Variants in MX2 observed in about 807,000 individuals in gnomAD.
MX2 encodes interferon-induced GTP-binding protein Mx2.
MX2 carries 51 observed loss-of-function variants against 74.0 expected under a neutral mutation model. That is an observed-to-expected ratio of 0.69 (90% CI 0.55 to 0.87). The LOEUF (loss-of-function observed/expected upper bound fraction) is 0.87, where lower values mean the gene tolerates loss of function less well. Among genes scored for constraint, MX2 ranks in the 40% least tolerant of loss-of-function variants. The probability of loss-of-function intolerance (pLI) is 0.00; values close to 1 mark genes in which losing one functional copy is unlikely to be tolerated. For missense variants in MX2, 832 were observed against 908.7 expected (o/e 0.92, Z 1.09); for synonymous variants, 369 against 339.3 (o/e 1.09, Z -0.96).
intron 5 of MX2, among the ~76,000 whole-genome samples, chr21:41,385,588 C>A (rs1288132772): frequency 6.6e-6 from 1 of 152,144 alleles, no homozygotes; most frequent in Non-Finnish European, 1.5e-5. Flanking sequence ...TTTTTCTGTA[C>A]AAATTTCGCT....
chr21:41,372,713 G>C (rs900847313), intron 1 of MX2, among the ~76,000 whole-genome samples: 2 of 152,112 alleles, frequency 1.3e-5, no homozygotes, highest in Non-Finnish European at 2.9e-5. Context: ...CTGTGCTTCC[G>C]TAGCATCCCC....
At position 41,368,127 on chromosome 21, in the gene MX2, G is replaced by A. The variant is rs1389913344; in HGVS notation, c.-72+6072G>A. 6.6e-6 allele frequency among the ~76,000 whole-genome samples: 1 copy of A among 152,206 alleles called. No individual in the cohort carries two copies. The highest frequency in any genetic ancestry group is 2.4e-5 in the African/African-American group (1 of 41,446). On this transcript the variant is annotated intron_variant, in intron 1 of 13. Transcript: ENST00000330714. This position sits in a 1 kb window ranked among gnomAD's most constrained non-coding sequence, Gnocchi z 4.6. ...ACCAAGCCCTGGAGAGGAACCCACAGTGCAGCGGCTCCTGAAAGCAGAGGC... is the reference window on the plus strand; with the variant it reads ...ACCAAGCCCTGGAGAGGAACCCACAATGCAGCGGCTCCTGAAAGCAGAGGC...
chr21:41,390,703 G>A lies in MX2; in HGVS notation c.871G>A (p.Gly291Ser), dbSNP rs1305468953. 9.3e-6 allele frequency: 15 copies of A among 1,613,760 alleles called. No homozygotes were observed. The highest frequency in any genetic ancestry group is 1.7e-5 in the Admixed American group (1 of 59,986). ...GGACCCGGAAGGGGACAGGACCATC[G>A]GTAAGAGGAAAGAACCAAGTGGCCG... ...EVDPEGDRTI[G>S]ILTKPDLMDR... Residue 291 changes from glycine to serine, a missense_variant and splice_region_variant, in exon 6 of 14, where the codon GGT becomes AGT. Physicochemically the swap from Gly to Ser is moderately conservative, Grantham distance 56 (BLOSUM62 0). Transcript: ENST00000330714.
chr21:41,389,209 A>C (rs946912966), intron 5 of MX2, among the ~76,000 whole-genome samples: 2 of 152,086 alleles, frequency 1.3e-5, no homozygotes, highest in Non-Finnish European at 2.9e-5. Flanking sequence ...AAAAAAAAAA[A>C]ACTTGTTCAG....
rs763863378 is a variant in MX2, at chr21:41,380,036, G to A, written c.462G>A (p.Pro154=). Reference sequence around the variant, plus strand: ...GCTCAGGAATCGTAACCAGGTGTCCGCTGGTGCTGAAACTGAAAAAGCAGC... The same window carrying A: ...GCTCAGGAATCGTAACCAGGTGTCCACTGGTGCTGAAACTGAAAAAGCAGC... ...PRGSGIVTRC[P]LVLKLKKQPC... Residue 154 remains proline, a synonymous_variant, in exon 4 of 14, where the codon CCG becomes CCA. Coordinates refer to ENST00000330714, the MANE Select transcript of MX2 (RefSeq NM_002463.2). The surrounding 1 kb of genome is among the most constrained non-coding windows in gnomAD (Gnocchi z 4.3). The A allele has an allele frequency of 5.3e-5, 86 of 1,613,858 alleles. No individual in the cohort carries two copies. Among genetic ancestry groups the A allele is most frequent in the Admixed American group, 6.7e-5 (4 of 59,958 alleles).
intron 3 of MX2, 50 bp from the exon 4 acceptor site, chr21:41,379,967 G>A (rs2089465754): frequency 6.2e-7 from 1 of 1,605,928 alleles, no homozygotes; most frequent in Non-Finnish European, 8.5e-7. Flanking sequence ...AGGGCCCAGT[G>A]CCACTTCTTT....
chr21:41,393,422 G>A (rs1051572140), intron 6 of MX2, among the ~76,000 whole-genome samples: 2 of 152,118 alleles, frequency 1.3e-5, no homozygotes, highest in East Asian at 3.9e-4. Flanking sequence ...ACATGGTCAC[G>A]TCTCTGTCCT....
Position 41,379,433 on chromosome 21 carries a change from G to A in MX2, c.443-584G>A, listed in dbSNP as rs116012366. On this transcript the variant is annotated intron_variant, in intron 3 of 13. Transcript: ENST00000330714. Reference sequence around the variant, plus strand: ...TAGCATCGGAGGATCCTGCCTCAAAGGGCACTATCAGGATTCCCCTTGCTC... The same window carrying A: ...TAGCATCGGAGGATCCTGCCTCAAAAGGCACTATCAGGATTCCCCTTGCTC... 7.3e-3 allele frequency among the ~76,000 whole-genome samples: 1,113 copies of A among 152,286 alleles called. 20 individuals carry two copies. The highest frequency in any genetic ancestry group is 0.025 in the African/African-American group (1,049 of 41,568).
chr21:41,390,930 C>G (rs996524766), intron 6 of MX2, among the ~76,000 whole-genome samples: 1 of 151,288 alleles, frequency 6.6e-6, no homozygotes. Context: ...GGCGTGAACC[C>G]GGGAGGCGGA....
chr21:41,390,982 G>A (rs1381167354), intron 6 of MX2, among the ~76,000 whole-genome samples: 2 of 151,480 alleles, frequency 1.3e-5, no homozygotes, highest in Admixed American at 1.3e-4. Context: ...CTCCAGCTTG[G>A]GCGACAGAGC....
chr21:41,370,065 G>A (rs2089303503), intron 1 of MX2: 1 of 152,236 alleles, frequency 6.6e-6, no homozygotes, highest in South Asian at 2.1e-4. Flanking sequence ...CCAGAGCTCC[G>A]CCCACGACTT....
Position 41,377,135 on chromosome 21 carries a change from A to G in MX2, c.229A>G (p.Arg77Gly), listed in dbSNP as rs1601399940. 1 of 1,614,194 alleles carries G rather than the reference A, an allele frequency of 6.2e-7. No homozygotes were observed. Among genetic ancestry groups the G allele is most frequent in the South Asian group, 1.1e-5 (1 of 91,088 alleles). Residue 77 changes from arginine to glycine, a missense_variant, in exon 2 of 14, where the codon AGG becomes GGG. Coordinates refer to ENST00000330714, the MANE Select transcript of MX2 (RefSeq NM_002463.2). ...TLNNQPPPGN[R>G]SQPRAMGPEN... ...GAACAATCAGCCACCACCAGGAAAC[A>G]GGAGCCAACCAAGGGCAATGGTAAG...
chr21:41,398,899 A>G lies in MX2; in HGVS notation c.1152A>G (p.Lys384=). The change falls in exon 9 of 14, where the codon AAA becomes AAG. Residue 384 remains lysine (K), a splice_region_variant and synonymous_variant. Coordinates refer to ENST00000330714, the MANE Select transcript of MX2 (RefSeq NM_002463.2). The stretch of plus-strand genomic sequence containing the variant: ...TTGTTTGCAATTGTTTTGTTTAGAA[A>G]TCGCTCCCGTTGTTAGAAGGACAAA... ...LTTELIMHIQ[K]SLPLLEGQIR... 6.2e-7 allele frequency: 1 copy of G among 1,612,194 alleles called. No individual in the cohort carries two copies. The highest frequency in any genetic ancestry group is 8.5e-7 in the Non-Finnish European group (1 of 1,178,794).
intron 8 of MX2, among the ~76,000 whole-genome samples, chr21:41,398,055 A>G (rs1382344226): frequency 6.6e-6 from 1 of 152,204 alleles, no homozygotes; most frequent in African/African-American, 2.4e-5. Context: ...CATGCCTGTA[A>G]TCCCAGCACT....
chr21:41,401,685 G>GTTTTTT (rs5844074), intron 10 of MX2: 2 of 190,906 alleles, frequency 1.0e-5, no homozygotes, highest in Non-Finnish European at 1.1e-5. Context: ...TTCTAATCAG[G>GTTTTTT]TTTTTTTTTT....
intron 7 of MX2, among the ~76,000 whole-genome samples, chr21:41,396,426 G>A (rs1268258866): frequency 6.6e-6 from 1 of 152,188 alleles, no homozygotes; most frequent in Non-Finnish European, 1.5e-5. Flanking sequence ...GGAACTTGTT[G>A]TTCCTGAATG....
intron 10 of MX2, 65 bp downstream of exon 10, chr21:41,399,402 A>G: frequency 6.5e-7 from 1 of 1,527,378 alleles, no homozygotes; most frequent in Non-Finnish European, 8.9e-7. Context: ...GGCTATGTCC[A>G]GCACATGATA....
At chr21:41,385,603 C>T (rs997052416) in intron 5 of MX2, among the ~76,000 whole-genome samples, 1 of 152,160 alleles carries the variant, frequency 6.6e-6, no homozygotes, top group Non-Finnish European at 1.5e-5. Context: ...TTCGCTGTCT[C>T]TGGTATGTCT....
chr21:41,370,748 G>C (rs537490738), intron 1 of MX2: 63 of 152,322 alleles, frequency 4.1e-4, no homozygotes, highest in African/African-American at 1.4e-3. Flanking sequence ...ATTTCCCCCA[G>C]ACCGCGGCCA....
Sources: gnomAD v4.1 joint callset for allele counts (sites outside exome capture counted in the v4.1 genomes callset) on GRCh38, gnomAD v4.1.1 for gene constraint, Gnocchi (gnomAD v3.1) non-coding constraint, MANE v1.5 for transcripts, NCBI Gene and HGNC (gene_info 2026-07-23, HGNC 2026-07-21) for gene names.